The following CLMN variants were observed in gnomAD, a reference collection of about 807,000 sequenced individuals.
CLMN encodes calmin (calponin-like, transmembrane).
Under a neutral mutation model 92.7 loss-of-function variants are expected in CLMN, and 57 were observed. The ratio of observed to expected loss-of-function variants is 0.61; its 90% confidence interval spans 0.50 to 0.77. The LOEUF is 0.77. CLMN is among the 30% of genes least tolerant of loss of function. The pLI is 0.00. For missense variants in CLMN, 1,158 were observed against 1,237.5 expected, an observed-to-expected ratio of 0.94 and a Z score of 0.96; for synonymous variants, 466 against 470.6, an observed-to-expected ratio of 0.99 and a Z score of 0.13.
intron 1 of CLMN, among the ~76,000 whole-genome samples, chr14:95,278,377 G>C (rs1900012957): frequency 2.6e-5 from 4 of 152,094 alleles, no homozygotes; most frequent in Admixed American, 2.6e-4. Context: ...TTCTGAAAAA[G>C]TTTTTTCTTC....
rs563313842 is a variant in CLMN, at chr14:95,189,330, T to C, written c.*2234A>G. The stretch of plus-strand genomic sequence containing the variant: ...AGACTTAGGGGACTGCTAGTTCTTG[T>C]TAAAAGCCTTATTGTATTTCTTTTA... On this transcript the variant is annotated 3_prime_UTR_variant, in exon 13 of 13. Coordinates refer to ENST00000298912, the MANE Select transcript of CLMN (RefSeq NM_024734.4). The C allele has an allele frequency of 3.3e-5, 5 of 152,350 alleles. No individual in the cohort carries two copies. Among genetic ancestry groups the C allele is most frequent in the African/African-American group, 1.2e-4 (5 of 41,592 alleles). The allele number at this position is 152,350 out of a possible 1,614,324, so 9.4% of individuals were successfully genotyped here. A position where few individuals can be genotyped will look rare whatever the true frequency, so the allele number is the denominator to read the frequency against.
intron 1 of CLMN, among the ~76,000 whole-genome samples, chr14:95,243,875 G>A (rs1048242006): frequency 2.6e-5 from 4 of 152,146 alleles, no homozygotes; most frequent in South Asian, 2.1e-4. Context: ...GTCAAATTGT[G>A]ATCCCTAATG....
At chr14:95,314,015 C>T (rs1277806507) in intron 1 of CLMN, among the ~76,000 whole-genome samples, 1 of 151,110 alleles carries the variant, frequency 6.6e-6, no homozygotes, top group Non-Finnish European at 1.5e-5. Context: ...GTCGTGGCTG[C>T]TGACACGTGA....
At chr14:95,266,449 C>A (rs1300003914) in intron 1 of CLMN, among the ~76,000 whole-genome samples, 1 of 152,040 alleles carries the variant, frequency 6.6e-6, no homozygotes, top group Non-Finnish European at 1.5e-5. Flanking sequence ...ATCCCATTTA[C>A]AATAGCTATA....
intron 1 of CLMN, among the ~76,000 whole-genome samples, chr14:95,276,104 G>A (rs1454489793): frequency 2.0e-5 from 3 of 152,198 alleles, no homozygotes; most frequent in South Asian, 2.1e-4. Flanking sequence ...GGCAAACCAC[G>A]AAGGGGTGAT....
At chr14:95,245,185 TATATATATAATATATATATATATTATA>T (rs1898425739) in intron 1 of CLMN, among the ~76,000 whole-genome samples, 1 of 42,230 alleles carries the variant, frequency 2.4e-5, no homozygotes, top group Non-Finnish European at 3.8e-5. Flanking sequence ...TATATATATA[TATATATATAATATATATATATATTATA>T]TATATATATA....
intron 2 of CLMN, among the ~76,000 whole-genome samples, chr14:95,227,548 C>CGTG: frequency 6.6e-6 from 1 of 152,308 alleles, no homozygotes; most frequent in South Asian, 2.1e-4. Flanking sequence ...CAGCCCCGGC[C>CGTG]GTGGCCAAGC....
intron 1 of CLMN, among the ~76,000 whole-genome samples, chr14:95,303,976 A>G (rs1901167955): frequency 6.6e-6 from 1 of 152,202 alleles, no homozygotes; most frequent in East Asian, 1.9e-4. Flanking sequence ...GAAGAAGGGG[A>G]GACAGCAATA....
rs1896406351 is a variant in CLMN, at chr14:95,184,961, G to A, written c.*6603C>T. ...TATCTATAAAAGATAAAAAAATTAG[G>A]TGGGCGTGGTGGCATGCACCTGTAC... On this transcript the variant is annotated 3_prime_UTR_variant, in exon 13 of 13. Transcript: ENST00000298912. 6.6e-6 allele frequency: 1 copy of A among 152,148 alleles called. No individual in the cohort carries two copies. Among genetic ancestry groups the A allele is most frequent in the South Asian group, 2.1e-4 (1 of 4,826 alleles). 9.4% of individuals were successfully genotyped at this position (152,148 alleles called of 1,614,324 possible). A position where few individuals can be genotyped will look rare whatever the true frequency, so the allele number is the denominator to read the frequency against.
At chr14:95,307,160 C>T (rs1901320950) in intron 1 of CLMN, among the ~76,000 whole-genome samples, 1 of 152,180 alleles carries the variant, frequency 6.6e-6, no homozygotes, top group Non-Finnish European at 1.5e-5. Flanking sequence ...ACCAAAAAGA[C>T]ATGGTCGGGC....
chr14:95,204,642 G>A (rs937662478), intron 8 of CLMN, among the ~76,000 whole-genome samples, 179 bp from the exon 9 acceptor site: 1 of 152,162 alleles, frequency 6.6e-6, no homozygotes, highest in Non-Finnish European at 1.5e-5. Flanking sequence ...GTTCTAAGAT[G>A]TAAATGGTTA....
chr14:95,292,845 G>C (rs909237872), intron 1 of CLMN, among the ~76,000 whole-genome samples: 69 of 152,090 alleles, frequency 4.5e-4, no homozygotes, highest in African/African-American at 1.6e-3. Flanking sequence ...GTGAGAGCAC[G>C]GGTGCCCGGT....
rs1443021027 is a variant in CLMN at position 95,256,499 on chromosome 14, C to T, written c.83-26366G>A. 6.6e-6 allele frequency among the ~76,000 whole-genome samples: 1 copy of T among 152,212 alleles called. No homozygotes were observed. Among genetic ancestry groups the T allele is most frequent in the East Asian group, 1.9e-4 (1 of 5,192 alleles). ...ACACAGTTTGCTCCCTGTGAAGGAG[C>T]TGGCCTCCTGGAGTACCTCCCACCT... On this transcript the variant is annotated intron_variant, in intron 1 of 12. Transcript: ENST00000298912. The surrounding 1 kb of genome is among the most constrained non-coding windows in gnomAD (Gnocchi z 4.9).
intron 1 of CLMN, among the ~76,000 whole-genome samples, chr14:95,245,346 G>A (rs1441281919): frequency 7.3e-6 from 1 of 136,404 alleles, no homozygotes; most frequent in African/African-American, 2.7e-5. Flanking sequence ...CAAGAATGTA[G>A]AGTATAATAA....
At position 95,228,468 on chromosome 14, in the gene CLMN, C is replaced by T. The variant is rs75420783; in HGVS notation, c.144+1604G>A. Among the ~76,000 whole-genome samples the T allele has an allele frequency of 7.7e-3, 1,171 of 152,328 alleles. 12 individuals are homozygous for T. Among genetic ancestry groups the T allele is most frequent in the Non-Finnish European group, 0.013 (881 of 68,020 alleles). On this transcript the variant is annotated intron_variant, in intron 2 of 12. Coordinates refer to ENST00000298912, the MANE Select transcript of CLMN (RefSeq NM_024734.4). ...GTGGCACTGCGTCACATGTTCTACACGTCAGGAGTGGAGGTGTGGGTGGCC... is the reference window on the plus strand; with the variant it reads ...GTGGCACTGCGTCACATGTTCTACATGTCAGGAGTGGAGGTGTGGGTGGCC...
At chr14:95,224,911 G>C (rs1466581934) in intron 2 of CLMN, among the ~76,000 whole-genome samples, 1 of 152,140 alleles carries the variant, frequency 6.6e-6, no homozygotes, top group Non-Finnish European at 1.5e-5. Context: ...AGGAAAGGGG[G>C]CTGGTGTGTG....
chr14:95,243,924 G>A (rs1265193135), intron 1 of CLMN, among the ~76,000 whole-genome samples: 1 of 151,998 alleles, frequency 6.6e-6, no homozygotes, highest in Non-Finnish European at 1.5e-5. Context: ...TGCACCACAG[G>A]GGTGATTTCT....
At chr14:95,293,322 C>T (rs1900667575) in intron 1 of CLMN, among the ~76,000 whole-genome samples, 1 of 89,726 alleles carries the variant, frequency 1.1e-5, no homozygotes, top group African/African-American at 4.6e-5. Context: ...CCCTCCCTCC[C>T]TCCTTCCTTC....
chr14:95,182,876 G>A lies in CLMN; in HGVS notation c.*8688C>T, dbSNP rs1378673954. ...CAGCCCTAGGAAGCAGATTTCCCAG[G>A]TTCTACTTCAAACATTCATCTGAAA... On this transcript the variant is annotated 3_prime_UTR_variant, in exon 13 of 13. Coordinates refer to ENST00000298912, the MANE Select transcript of CLMN (RefSeq NM_024734.4). 2.0e-5 allele frequency: 3 copies of A among 152,112 alleles called. No individual in the cohort carries two copies. Among genetic ancestry groups the A allele is most frequent in the African/African-American group, 4.8e-5 (2 of 41,416 alleles). 9.4% of individuals were successfully genotyped at this position (152,112 alleles called of 1,614,324 possible).
Sources: gnomAD v4.1 joint callset for allele counts (sites outside exome capture counted in the v4.1 genomes callset) on GRCh38, gnomAD v4.1.1 for gene constraint, Gnocchi (gnomAD v3.1) non-coding constraint, MANE v1.5 for transcripts, NCBI Gene and HGNC (gene_info 2026-07-23, HGNC 2026-07-21) for gene names.